The following NFIC variants were observed in gnomAD, a reference collection of about 807,000 sequenced individuals.
The protein encoded by NFIC is nuclear factor I C.
In NFIC, 12 loss-of-function variants were observed where a neutral mutation model predicts 54.4. That is an observed-to-expected ratio of 0.22 (90% CI 0.14 to 0.36). The LOEUF (loss-of-function observed/expected upper bound fraction) is 0.36. Ranked by LOEUF, NFIC falls within the 10% of genes least tolerant of loss-of-function variation. The pLI, the probability that NFIC is intolerant of heterozygous loss-of-function variation, is 1.00. For missense variants in NFIC, 575 were observed against 718.2 expected, an observed-to-expected ratio of 0.80 and a Z score of 2.28; for synonymous variants, 322 against 319.2, an observed-to-expected ratio of 1.01 and a Z score of -0.09.
chr19:3,434,942 G>T, intron 5 of NFIC, 141 bp from the exon 6 acceptor site: 2 of 1,184,378 alleles, frequency 1.7e-6, no homozygotes, highest in South Asian at 3.2e-5. Flanking sequence ...CGGGCTGAAC[G>T]CCCGCGGCTC....
chr19:3,384,381 C>CT (rs201073407), intron 2 of NFIC, among the ~76,000 whole-genome samples: 159 of 145,378 alleles, frequency 1.1e-3, no homozygotes, highest in African/African-American at 1.9e-3. Flanking sequence ...GTTACCCAGT[C>CT]TTTTTTTTTT....
intron 2 of NFIC, among the ~76,000 whole-genome samples, chr19:3,411,922 G>A (rs373564149): frequency 6.6e-5 from 10 of 152,296 alleles, no homozygotes; most frequent in East Asian, 1.9e-4. Context: ...CGGCATGCAC[G>A]GCTGTTGTAC....
intron 3 of NFIC, among the ~76,000 whole-genome samples, chr19:3,431,360 CTTTTTTTTT>C (rs71164702): frequency 0.028 from 2,338 of 84,216 alleles, 76 homozygotes; most frequent in African/African-American, 0.1. Flanking sequence ...TTTCCTTCTT[CTTTTTTTTT>C]TTTTTTTTTT....
At chr19:3,399,638 G>A (rs1042967149) in intron 2 of NFIC, among the ~76,000 whole-genome samples, 10 of 152,130 alleles carry the variant, frequency 6.6e-5, no homozygotes, top group Non-Finnish European at 1.2e-4. Flanking sequence ...TTGGGAAGCC[G>A]AGGAAGACAG....
intron 1 of NFIC, among the ~76,000 whole-genome samples, chr19:3,371,866 C>A (rs2081015987): frequency 6.7e-6 from 1 of 148,814 alleles, no homozygotes; most frequent in Admixed American, 6.7e-5. Context: ...TCTTTTCTTT[C>A]TTTTTTCTTT....
Position 3,421,260 on chromosome 19 carries a change from CCTG to C in NFIC, c.563-3842_563-3840del, listed in dbSNP as rs2081949654. 2.0e-5 allele frequency among the ~76,000 whole-genome samples: 3 copies of C among 147,536 alleles called. No individual in the cohort carries two copies. The South Asian group carries it at 6.2e-4, about 31-fold the overall frequency. ...CCCGGATGCCAGCTGGGCACTGCGG[CCTG>C]CTGAGACGCCAGCTGGGCACTGCAG... On this transcript the variant is annotated intron_variant, in intron 2 of 10. Transcript: ENST00000443272.
chr19:3,459,905 C>T lies in NFIC; in HGVS notation c.1510-2847C>T, dbSNP rs946339190. Among the ~76,000 whole-genome samples, 1 of 152,150 alleles carries T rather than the reference C, an allele frequency of 6.6e-6. No individual in the cohort carries two copies. Among genetic ancestry groups the T allele is most frequent in the Non-Finnish European group, 1.5e-5 (1 of 68,026 alleles). The stretch of plus-strand genomic sequence containing the variant: ...ATTTGCTGCAGCGGTGGGGGGCGGC[C>T]CCACCTCTAACCTCAGTTGGGGAGT... On this transcript the variant is annotated intron_variant, in intron 10 of 10. Transcript: ENST00000443272. This position sits in a 1 kb window ranked among gnomAD's most constrained non-coding sequence, Gnocchi z 4.2.
At chr19:3,441,784 G>A (rs932569095) in intron 6 of NFIC, among the ~76,000 whole-genome samples, 1 of 152,194 alleles carries the variant, frequency 6.6e-6, no homozygotes. Context: ...CTCCGCAGAG[G>A]GAGGACACAA....
Position 3,463,895 on chromosome 19 carries a change from G to C in NFIC, c.*1126G>C, listed in dbSNP as rs1248116011. ...TCCAGCTGGGACACGGAATGGCCGC[G>C]GGCCTCCTCCCCCTCCCCTCCAGCC... On this transcript the variant is annotated 3_prime_UTR_variant, in exon 11 of 11. Coordinates refer to ENST00000443272, the MANE Select transcript of NFIC (RefSeq NM_001245002.2). The C allele has an allele frequency of 1.3e-5, 13 of 964,488 alleles. No individual in the cohort carries two copies. The African/African-American group carries it at 2.0e-4, about 15-fold the overall frequency. The allele number at this position is 964,488 out of a possible 1,614,324, so 59.7% of individuals were successfully genotyped here.
At chr19:3,389,083 G>A (rs2081341504) in intron 2 of NFIC, among the ~76,000 whole-genome samples, 2 of 152,266 alleles carry the variant, frequency 1.3e-5, no homozygotes, top group South Asian at 4.1e-4. Context: ...AGGTTATCTA[G>A]TGGAAGCCAC....
chr19:3,366,903 C>T (rs1158622319), intron 1 of NFIC, among the ~76,000 whole-genome samples: 2 of 151,990 alleles, frequency 1.3e-5, no homozygotes, highest in Non-Finnish European at 2.9e-5. Context: ...CCCAGCACCC[C>T]CAACCCCGAC....
intron 6 of NFIC, among the ~76,000 whole-genome samples, chr19:3,448,219 C>G (rs1178971789): frequency 6.6e-6 from 1 of 152,176 alleles, no homozygotes; most frequent in Non-Finnish European, 1.5e-5. Context: ...ATTACAGGCA[C>G]CCGCCACCAC....
chr19:3,462,049 T>C (rs2082648342), intron 10 of NFIC, among the ~76,000 whole-genome samples: 1 of 146,190 alleles, frequency 6.8e-6, no homozygotes, highest in South Asian at 2.2e-4. Context: ...CGAGACTCTG[T>C]CTCAATAAAT....
intron 2 of NFIC, among the ~76,000 whole-genome samples, chr19:3,401,805 T>A (rs1470350199): frequency 6.6e-6 from 1 of 151,808 alleles, no homozygotes; most frequent in African/African-American, 2.4e-5. Flanking sequence ...CACTACAACC[T>A]CTGCCTCACA....
Position 3,375,574 on chromosome 19 carries a change from A to AG in NFIC, c.31-6137dup, listed in dbSNP as rs2081092006. 6.6e-6 allele frequency among the ~76,000 whole-genome samples: 1 copy of AG among 152,160 alleles called. No homozygotes were observed. ...GCAGGTTGGCTGGGGAAGCGGGGGC[A>AG]GCGGAAAAGGGCCCTGAGGTCCGGT... On this transcript the variant is annotated intron_variant, in intron 1 of 10. Coordinates refer to ENST00000443272, the MANE Select transcript of NFIC (RefSeq NM_001245002.2). This position sits in a 1 kb window ranked among gnomAD's most constrained non-coding sequence, Gnocchi z 4.6.
intron 6 of NFIC, among the ~76,000 whole-genome samples, chr19:3,436,735 A>T (rs779650791): frequency 3.9e-5 from 6 of 151,946 alleles, no homozygotes; most frequent in Admixed American, 6.6e-5. Context: ...TCGGCCTCCC[A>T]AAGTGCTGGG....
At chr19:3,384,826 G>A (rs939585135) in intron 2 of NFIC, among the ~76,000 whole-genome samples, 8 of 152,166 alleles carry the variant, frequency 5.3e-5, no homozygotes, top group African/African-American at 9.6e-5. Context: ...GAGGTGGGCC[G>A]GGTGACTGCC....
At chr19:3,446,248 C>G (rs180725909) in intron 6 of NFIC, among the ~76,000 whole-genome samples, 1 of 152,294 alleles carries the variant, frequency 6.6e-6, no homozygotes, top group African/African-American at 2.4e-5. Flanking sequence ...CCTCCTGGGA[C>G]CACAGCAGGG....
intron 2 of NFIC, among the ~76,000 whole-genome samples, chr19:3,424,493 C>G (rs1439600010): frequency 6.6e-6 from 1 of 152,172 alleles, no homozygotes; most frequent in African/African-American, 2.4e-5. Flanking sequence ...TCTCCTGTCT[C>G]AGTCTCCCAA....
Sources: allele counts gnomAD v4.1 joint callset (sites outside exome capture counted in the v4.1 genomes callset), GRCh38; gene constraint gnomAD v4.1.1; non-coding constraint Gnocchi (gnomAD v3.1); transcripts MANE v1.5; gene names NCBI Gene and HGNC (gene_info 2026-07-23, HGNC 2026-07-21).